The following NEGR1 variants were observed in gnomAD, a reference collection of about 807,000 sequenced individuals.
NEGR1 encodes the protein IgLON family member 4.
NEGR1 carries 10 observed loss-of-function variants against 40.9 expected under a neutral mutation model. That is an observed-to-expected ratio of 0.24 (90% CI 0.15 to 0.42). The LOEUF is 0.42. NEGR1 is among the 10% of genes least tolerant of loss of function. The pLI, the probability that NEGR1 is intolerant of heterozygous loss-of-function variation, is 1.00. For synonymous variants in NEGR1, 185 were observed against 166.8 expected (o/e 1.11, Z -0.84); for missense variants, 352 against 438.9 (o/e 0.80, Z 1.77).
intron 4 of NEGR1, among the ~76,000 whole-genome samples, chr1:71,628,222 G>C (rs1383155953): frequency 6.6e-6 from 1 of 151,960 alleles, no homozygotes. Flanking sequence ...CCTTAGAGAA[G>C]CTCAAGATTT....
chr1:71,733,642 G>T (rs965608627), intron 3 of NEGR1, among the ~76,000 whole-genome samples: 7 of 152,110 alleles, frequency 4.6e-5, no homozygotes, highest in African/African-American at 1.7e-4. Flanking sequence ...AGAAGTTAGT[G>T]GGGGAGTGGA....
At chr1:71,509,658 C>A (rs538452492) in intron 6 of NEGR1, among the ~76,000 whole-genome samples, 2 of 152,316 alleles carry the variant, frequency 1.3e-5, no homozygotes, top group South Asian at 2.1e-4. Context: ...CTAACAAATT[C>A]TTTTGATCCC....
At chr1:72,051,089 T>C (rs1037467931) in intron 1 of NEGR1, among the ~76,000 whole-genome samples, 1 of 151,526 alleles carries the variant, frequency 6.6e-6, no homozygotes, top group Non-Finnish European at 1.5e-5. Flanking sequence ...TTGCCTTTGC[T>C]TGTTATGTTC....
intron 1 of NEGR1, among the ~76,000 whole-genome samples, chr1:71,945,661 G>A (rs530288164): frequency 6.6e-6 from 1 of 151,984 alleles, no homozygotes; most frequent in South Asian, 2.1e-4. Context: ...GACAGCCTTG[G>A]TGTTATATTT....
At chr1:72,127,442 C>T (rs1380117912) in intron 1 of NEGR1, among the ~76,000 whole-genome samples, 4 of 108,488 alleles carry the variant, frequency 3.7e-5, no homozygotes, top group East Asian at 3.0e-4. Flanking sequence ...CCAGCCTGGG[C>T]GACAGAGCAA....
intron 4 of NEGR1, among the ~76,000 whole-genome samples, chr1:71,634,248 G>A (rs914890813): frequency 6.6e-6 from 1 of 152,032 alleles, no homozygotes. Context: ...TTTTGTACAG[G>A]TGCAGCCTGA....
rs1202738334 is a variant in NEGR1, at chr1:71,640,094, A to G, written c.668-28948T>C. Among the ~76,000 whole-genome samples the G allele has an allele frequency of 3.9e-5, 6 of 152,056 alleles. No individual in the cohort carries two copies. In the East Asian group the frequency reaches 9.7e-4, roughly 25 times the overall value. On this transcript the variant is annotated intron_variant, in intron 4 of 6. Coordinates refer to ENST00000357731, the MANE Select transcript of NEGR1 (RefSeq NM_173808.3). The stretch of plus-strand genomic sequence containing the variant: ...ACTAAATGTTCTCTATTATTCTCTA[A>G]GAACTAGTAATATTTGCAATGTGAA...
At chr1:71,872,711 A>C (rs1393160950) in intron 2 of NEGR1, among the ~76,000 whole-genome samples, 3 of 152,144 alleles carry the variant, frequency 2.0e-5, no homozygotes, top group Middle Eastern at 3.2e-3. Flanking sequence ...TTGACAGATA[A>C]AGGTTGGATT....
At chr1:72,249,064 A>G (rs774215562) in intron 1 of NEGR1, among the ~76,000 whole-genome samples, 1 of 152,188 alleles carries the variant, frequency 6.6e-6, no homozygotes, top group Non-Finnish European at 1.5e-5. Flanking sequence ...CCCATCACCT[A>G]TGTGAGGGTA....
chr1:72,063,230 CAT>C (rs1449877788), intron 1 of NEGR1, among the ~76,000 whole-genome samples: 1 of 151,804 alleles, frequency 6.6e-6, no homozygotes, highest in African/African-American at 2.4e-5. Flanking sequence ...CTGTTTTACA[CAT>C]GTGTTTTCTA....
intron 4 of NEGR1, among the ~76,000 whole-genome samples, chr1:71,678,430 C>T (rs1350864444): frequency 6.6e-6 from 1 of 152,094 alleles, no homozygotes; most frequent in Non-Finnish European, 1.5e-5. Context: ...AAGTATAATA[C>T]AGTAAGTAAT....
chr1:71,549,083 ACC>A (rs1453632670), intron 6 of NEGR1, among the ~76,000 whole-genome samples: 2 of 151,656 alleles, frequency 1.3e-5, no homozygotes, highest in African/African-American at 2.4e-5. Context: ...TTTCAGAGAA[ACC>A]ATCTGTGTCT....
At chr1:71,815,435 G>C (rs979366237) in intron 2 of NEGR1, among the ~76,000 whole-genome samples, 19 of 151,812 alleles carry the variant, frequency 1.3e-4, no homozygotes, top group Admixed American at 7.9e-4. Context: ...CTTGATCCAG[G>C]GCTGAGGTCA....
chr1:72,056,119 C>T (rs1647107790), intron 1 of NEGR1, among the ~76,000 whole-genome samples: 1 of 151,112 alleles, frequency 6.6e-6, no homozygotes, highest in Non-Finnish European at 1.5e-5. Context: ...GAATTTGAAT[C>T]ACTCACAGTT....
At chr1:71,437,194 T>C in intron 6 of NEGR1, among the ~76,000 whole-genome samples, 1 of 152,246 alleles carries the variant, frequency 6.6e-6, no homozygotes, top group Middle Eastern at 3.4e-3. Flanking sequence ...AATGATTTCA[T>C]TTATATGAAA....
chr1:72,220,204 A>T (rs191994919), intron 1 of NEGR1, among the ~76,000 whole-genome samples: 1 of 124,320 alleles, frequency 8.0e-6, no homozygotes, highest in African/African-American at 3.0e-5. Context: ...GTGAAAAATA[A>T]TTTTTAAGAT....
chr1:71,686,572 T>G (rs1252419225), intron 4 of NEGR1, among the ~76,000 whole-genome samples: 4 of 152,188 alleles, frequency 2.6e-5, no homozygotes, highest in Non-Finnish European at 5.9e-5. Context: ...CCCATGTCAC[T>G]TCTGCTTACA....
At chr1:72,149,632 C>T (rs1471747590) in intron 1 of NEGR1, among the ~76,000 whole-genome samples, 1 of 151,696 alleles carries the variant, frequency 6.6e-6, no homozygotes, top group Admixed American at 6.6e-5. Context: ...CTTGTAATCC[C>T]AGAACTTTGG....
At chr1:71,602,419 T>C (rs1213248589) in intron 5 of NEGR1, among the ~76,000 whole-genome samples, 2 of 138,004 alleles carry the variant, frequency 1.4e-5, no homozygotes, top group Admixed American at 1.5e-4. Context: ...GCCCGGCTAA[T>C]TTTTTGTATT....
Sources: allele counts gnomAD v4.1 joint callset (sites outside exome capture counted in the v4.1 genomes callset), GRCh38; gene constraint gnomAD v4.1.1; transcripts MANE v1.5; gene names NCBI Gene and HGNC (gene_info 2026-07-23, HGNC 2026-07-21).